ACAD11: variants seen among roughly 807,000 people sequenced by gnomAD.
ACAD11 encodes the protein acyl-CoA dehydrogenase family member 11.
Under a neutral mutation model 102.2 loss-of-function variants are expected in ACAD11, and 83 were observed. The ratio of observed to expected loss-of-function variants is 0.81; its 90% CI spans 0.68 to 0.97. The LOEUF is 0.97. Among genes scored for constraint, ACAD11 ranks in the 50% least tolerant of loss-of-function variants. The pLI is 0.00. For synonymous variants in ACAD11, 324 were observed against 319.8 expected, an observed-to-expected ratio of 1.01 and a Z score of -0.14; for missense variants, 901 against 951.7, an observed-to-expected ratio of 0.95 and a Z score of 0.70.
intron 13 of ACAD11, among the ~76,000 whole-genome samples, chr3:132,596,246 T>C (rs1051689589): frequency 1.3e-5 from 2 of 151,954 alleles, no homozygotes; most frequent in Non-Finnish European, 2.9e-5. Context: ...CATGGACACA[T>C]GGAGGGAAAC....
At position 132,631,473 on chromosome 3, in the gene ACAD11, C is replaced by T. The variant is rs1483847443; in HGVS notation, c.709G>A (p.Val237Ile). ...NIVFHPKECR[V>I]IAVLDWELST... Reference sequence around the variant, plus strand: ...AGCTCCCAATCCAGCACTGCTATAACTCGACACTGTAATTAAAAATAAAGA... The same window carrying T: ...AGCTCCCAATCCAGCACTGCTATAATTCGACACTGTAATTAAAAATAAAGA... The change falls in exon 6 of 20, where the codon GTT becomes ATT. Residue 237 changes from valine (V) to isoleucine (I), a missense_variant. Val to Ile is a conservative substitution (Grantham distance 29, BLOSUM62 3). Coordinates refer to ENST00000264990, the MANE Select transcript of ACAD11 (RefSeq NM_032169.5). 2.0e-6 allele frequency: 3 copies of T among 1,479,880 alleles called. No homozygotes were observed. Among genetic ancestry groups the T allele is most frequent in the Non-Finnish European group, 2.7e-6 (3 of 1,111,936 alleles). 91.7% of individuals were successfully genotyped at this position (1,479,880 alleles called of 1,614,324 possible). A position where few individuals can be genotyped will look rare whatever the true frequency, so the allele number is the denominator to read the frequency against.
chr3:132,600,681 C>A (rs1428790210), intron 13 of ACAD11: 4 of 1,613,662 alleles, frequency 2.5e-6, no homozygotes. Flanking sequence ...TTCACTCTGC[C>A]TTTTTGGGCT....
chr3:132,649,983 T>A (rs535998117), intron 1 of ACAD11: 1 of 152,260 alleles, frequency 6.6e-6, no homozygotes, highest in South Asian at 2.1e-4. Context: ...AAAAAGAAGA[T>A]TAAAAGACAA....
At chr3:132,624,748 G>A (rs993484805) in intron 9 of ACAD11, among the ~76,000 whole-genome samples, 2 of 151,212 alleles carry the variant, frequency 1.3e-5, no homozygotes, top group South Asian at 2.1e-4. Flanking sequence ...GTGCAGTGGC[G>A]CAATCTCGGC....
intron 5 of ACAD11, among the ~76,000 whole-genome samples, chr3:132,634,153 C>G (rs1559969763): frequency 6.6e-6 from 1 of 152,120 alleles, no homozygotes; most frequent in African/African-American, 2.4e-5. Flanking sequence ...TGCAATCTAC[C>G]TATCTGACAA....
At chr3:132,590,989 G>A (rs1446636586) in intron 13 of ACAD11, among the ~76,000 whole-genome samples, 2 of 152,154 alleles carry the variant, frequency 1.3e-5, no homozygotes, top group Non-Finnish European at 2.9e-5. Flanking sequence ...CTTTTGCTAT[G>A]CAGAAGCTCT....
intron 1 of ACAD11, among the ~76,000 whole-genome samples, chr3:132,652,775 G>C (rs142588058): frequency 1.3e-5 from 2 of 152,282 alleles, no homozygotes; most frequent in East Asian, 3.9e-4. Context: ...TGTGATCTAA[G>C]ACAAAGTCCC....
Position 132,576,956 on chromosome 3 carries a change from T to C in ACAD11, c.1834A>G (p.Asn612Asp), listed in dbSNP as rs1460490747. 3 of 1,608,482 alleles carry C rather than the reference T, an allele frequency of 1.9e-6. No individual in the cohort carries two copies. Among genetic ancestry groups the C allele is most frequent in the Non-Finnish European group, 2.6e-6 (3 of 1,175,420 alleles). ...HFNQVRVPAT[N>D]LILGEGRGFE... is the part of the protein sequence containing the mutation. Reference sequence around the variant, plus strand: ...AAATTCAACTCACCTAGTATTAGATTTGTGGCAGGAACTCGCACTTGATTA... The same window carrying C: ...AAATTCAACTCACCTAGTATTAGATCTGTGGCAGGAACTCGCACTTGATTA... The change falls in exon 16 of 20, where the codon AAT (asparagine) becomes GAT (aspartate). Residue 612 changes from asparagine to aspartate, a missense_variant. Asn to Asp is a conservative substitution (Grantham distance 23). Transcript: ENST00000264990.
At chr3:132,654,692 A>C (rs964956497) in intron 1 of ACAD11, 1 of 152,220 alleles carries the variant, frequency 6.6e-6, no homozygotes, top group Non-Finnish European at 1.5e-5. Flanking sequence ...TTCTGAGGAA[A>C]ACCAAACCTG....
At chr3:132,643,255 G>A (rs1940591653) in intron 2 of ACAD11, among the ~76,000 whole-genome samples, 1 of 152,132 alleles carries the variant, frequency 6.6e-6, no homozygotes, top group South Asian at 2.1e-4. Flanking sequence ...GAGTGGTGGT[G>A]GAAGGAAAAG....
chr3:132,583,931 C>G (rs892079371), intron 13 of ACAD11, among the ~76,000 whole-genome samples: 1 of 152,128 alleles, frequency 6.6e-6, no homozygotes, highest in Non-Finnish European at 1.5e-5. Flanking sequence ...GATATAATTT[C>G]TGTTCTTTTA....
chr3:132,572,581 G>A (rs928694842), intron 17 of ACAD11, among the ~76,000 whole-genome samples: 1 of 152,186 alleles, frequency 6.6e-6, no homozygotes, highest in Non-Finnish European at 1.5e-5. Context: ...AGCCCAAATA[G>A]CCAAGGCACT....
intron 1 of ACAD11, among the ~76,000 whole-genome samples, chr3:132,652,580 C>G (rs1940967070): frequency 6.6e-6 from 1 of 151,798 alleles, no homozygotes; most frequent in South Asian, 2.1e-4. Flanking sequence ...TTTGCTTACA[C>G]TGATATAACT....
chr3:132,653,297 C>T (rs1192328401), intron 1 of ACAD11, among the ~76,000 whole-genome samples: 1 of 152,132 alleles, frequency 6.6e-6, no homozygotes, highest in Non-Finnish European at 1.5e-5. Context: ...TACCTAGGTT[C>T]CTATTTCAAC....
At chr3:132,562,901 T>A (rs1937104869) in intron 17 of ACAD11, among the ~76,000 whole-genome samples, 1 of 152,240 alleles carries the variant, frequency 6.6e-6, no homozygotes. Flanking sequence ...ACATTTTACC[T>A]AATCCCAGAA....
chr3:132,600,347 T>C, intron 13 of ACAD11: 1 of 1,463,108 alleles, frequency 6.8e-7, no homozygotes, highest in Admixed American at 2.4e-5. Flanking sequence ...CTTTTAAGCA[T>C]ATTTAGACAA....
Position 132,561,146 on chromosome 3 carries a change from A to G in ACAD11, c.2073T>C (p.Ala691=), listed in dbSNP as rs753563826. ...TGCCCAGAGTGTCCATGCTGTGAGC[A>G]GCTTTCAGAGTCAACAAGCGGATCT... The part of the protein sequence containing the change: ...IEKIRLLTLK[A]AHSMDTLGSA... Residue 691 remains alanine (A), a synonymous_variant, in exon 18 of 20, where the codon GCT becomes GCC. Transcript: ENST00000264990. 13 of 1,613,542 alleles carry G rather than the reference A, an allele frequency of 8.1e-6. No homozygotes were observed. Among genetic ancestry groups the G allele is most frequent in the Non-Finnish European group, 6.8e-6 (8 of 1,179,730 alleles).
At chr3:132,562,666 C>A (rs1438679399) in intron 17 of ACAD11, among the ~76,000 whole-genome samples, 1 of 152,180 alleles carries the variant, frequency 6.6e-6, no homozygotes, top group Non-Finnish European at 1.5e-5. Context: ...ATTTGCATTT[C>A]TGTAATGGCT....
chr3:132,570,644 G>A (rs145991569), intron 17 of ACAD11, among the ~76,000 whole-genome samples: 2,165 of 151,760 alleles, frequency 0.014, 28 homozygotes, highest in Non-Finnish European at 0.014. Flanking sequence ...TATTTTTCCC[G>A]ACCCTCTCCC....
Sources: gnomAD v4.1 joint callset for allele counts (sites outside exome capture counted in the v4.1 genomes callset) on GRCh38, gnomAD v4.1.1 for gene constraint, MANE v1.5 for transcripts, NCBI Gene and HGNC (gene_info 2026-07-23, HGNC 2026-07-21) for gene names.